DOCK3: variants seen among roughly 807,000 people sequenced by gnomAD.
The protein encoded by DOCK3 is dedicator of cytokinesis 3.
Under a neutral mutation model 265.6 loss-of-function variants are expected in DOCK3, and 60 were observed. That is an observed-to-expected ratio of 0.23 (90% CI 0.18 to 0.28). The LOEUF (loss-of-function observed/expected upper bound fraction) is 0.28, where lower values mean the gene tolerates loss of function less well. Ranked by LOEUF, DOCK3 falls within the 10% of genes least tolerant of loss-of-function variation. DOCK3 has a pLI of 1.00. For missense variants in DOCK3, 1,981 were observed against 2,594.3 expected, an observed-to-expected ratio of 0.76 and a Z score of 5.14; for synonymous variants, 881 against 938.0, an observed-to-expected ratio of 0.94 and a Z score of 1.11.
chr3:50,794,446 T>A (rs2042656145), intron 2 of DOCK3, among the ~76,000 whole-genome samples: 1 of 152,236 alleles, frequency 6.6e-6, no homozygotes, highest in African/African-American at 2.4e-5. Context: ...TTAGGATAGT[T>A]AAGTCTTCTC....
intron 23 of DOCK3, among the ~76,000 whole-genome samples, chr3:51,262,477 G>C (rs1388827394): frequency 6.6e-6 from 1 of 151,710 alleles, no homozygotes; most frequent in Non-Finnish European, 1.5e-5. Context: ...GTGCAAAAAG[G>C]CTGAAAATTC....
intron 4 of DOCK3, among the ~76,000 whole-genome samples, chr3:50,918,268 T>A (rs554629306): frequency 1.2e-4 from 18 of 152,304 alleles, no homozygotes; most frequent in African/African-American, 4.1e-4. Flanking sequence ...CCGTTGGATA[T>A]ATACCCAGTA....
intron 2 of DOCK3, among the ~76,000 whole-genome samples, chr3:50,839,068 G>A (rs2045672670): frequency 6.6e-6 from 1 of 152,202 alleles, no homozygotes; most frequent in African/African-American, 2.4e-5. Context: ...GACTACAAGA[G>A]AGCATGGTGT....
chr3:51,209,163 T>C (rs927423718), intron 13 of DOCK3, among the ~76,000 whole-genome samples: 6 of 152,224 alleles, frequency 3.9e-5, no homozygotes, highest in African/African-American at 1.2e-4. Flanking sequence ...GTGAAGTCTA[T>C]GTTTGCCTAA....
intron 5 of DOCK3, among the ~76,000 whole-genome samples, chr3:51,035,076 G>A (rs1340860920): frequency 6.6e-6 from 1 of 151,852 alleles, no homozygotes; most frequent in African/African-American, 2.4e-5. Flanking sequence ...GATTCATTGA[G>A]CTTATTATTG....
intron 40 of DOCK3, among the ~76,000 whole-genome samples, chr3:51,351,903 C>T (rs762654802): frequency 3.9e-5 from 6 of 152,072 alleles, no homozygotes; most frequent in Admixed American, 6.5e-5. Flanking sequence ...GTGATCCGCC[C>T]GCCTCGGCCT....
chr3:50,804,470 A>C (rs1357781019), intron 2 of DOCK3, among the ~76,000 whole-genome samples: 1 of 152,016 alleles, frequency 6.6e-6, no homozygotes, highest in African/African-American at 2.4e-5. Context: ...AGTGAGCAAG[A>C]CTCCGTCTGC....
intron 5 of DOCK3, among the ~76,000 whole-genome samples, chr3:51,052,454 T>C (rs986110351): frequency 6.6e-6 from 1 of 152,204 alleles, no homozygotes; most frequent in Non-Finnish European, 1.5e-5. Context: ...GAGCCGTGAT[T>C]GTGCCACTGT....
chr3:51,025,167 G>A (rs1024089437), intron 5 of DOCK3, among the ~76,000 whole-genome samples: 3 of 152,158 alleles, frequency 2.0e-5, no homozygotes, highest in Non-Finnish European at 4.4e-5. Context: ...TAAGTTACCA[G>A]GGCAGGTGGA....
At chr3:51,340,989 G>A (rs137967811) in intron 37 of DOCK3, among the ~76,000 whole-genome samples, 2 of 152,310 alleles carry the variant, frequency 1.3e-5, no homozygotes, top group African/African-American at 4.8e-5. Context: ...TAATCTGGAG[G>A]CTGGAACAGG....
At chr3:51,367,770 G>GA in intron 49 of DOCK3, among the ~76,000 whole-genome samples, 1 of 152,192 alleles carries the variant, frequency 6.6e-6, no homozygotes, top group Admixed American at 6.5e-5. Context: ...GGCTGGATAT[G>GA]AAATTCTGGG....
chr3:50,975,082 G>T (rs2077389859), intron 5 of DOCK3, among the ~76,000 whole-genome samples: 3 of 151,488 alleles, frequency 2.0e-5, no homozygotes, highest in Admixed American at 2.0e-4. Flanking sequence ...CATGTCATCT[G>T]CAAACAGGGA....
intron 3 of DOCK3, among the ~76,000 whole-genome samples, chr3:50,888,114 T>C (rs2048436833): frequency 1.3e-5 from 2 of 152,098 alleles, no homozygotes; most frequent in African/African-American, 2.4e-5. Flanking sequence ...GAAAACCCCA[T>C]TGTGTCAGCC....
At chr3:51,294,387 T>C (rs1316787641) in intron 27 of DOCK3, among the ~76,000 whole-genome samples, 6 of 151,802 alleles carry the variant, frequency 4.0e-5, no homozygotes, top group African/African-American at 9.7e-5. Context: ...CTAAAAAAAA[T>C]TGAACTCGAG....
chr3:51,100,409 A>T (rs2083036450), intron 9 of DOCK3, among the ~76,000 whole-genome samples: 2 of 152,320 alleles, frequency 1.3e-5, no homozygotes, highest in African/African-American at 4.8e-5. Flanking sequence ...TGAGGAACCA[A>T]GAGATGGAAC....
At chr3:50,758,248 G>A (rs968060556) in intron 1 of DOCK3, among the ~76,000 whole-genome samples, 11 of 84,740 alleles carry the variant, frequency 1.3e-4, no homozygotes, top group African/African-American at 2.4e-4. Flanking sequence ...TATCCCCCCC[G>A]CCCCAGAGTC....
In DOCK3 at chr3:51,382,853, A is replaced by C. The variant is rs2088743533; in HGVS notation, c.*1294A>C. On this transcript the variant is annotated 3_prime_UTR_variant, in exon 53 of 53. Coordinates refer to ENST00000266037, the MANE Select transcript of DOCK3 (RefSeq NM_004947.5). ...TGGTGTCTTTAGAGGAAACTCATTC[A>C]AGTCAGGGCACTGATTTTCCTCTCA... 6.6e-6 allele frequency: 1 copy of C among 152,344 alleles called. No individual in the cohort carries two copies. The highest frequency in any genetic ancestry group is 1.9e-4 in the East Asian group (1 of 5,188). The allele number at this position is 152,344 out of a possible 1,614,324, so 9.4% of individuals were successfully genotyped here.
intron 5 of DOCK3, among the ~76,000 whole-genome samples, chr3:50,999,947 C>T (rs1324767077): frequency 6.6e-6 from 1 of 152,136 alleles, no homozygotes; most frequent in Non-Finnish European, 1.5e-5. Flanking sequence ...AAGTAAATAG[C>T]ACTCCCTTTC....
intron 22 of DOCK3, among the ~76,000 whole-genome samples, chr3:51,250,622 A>G (rs2079164407): frequency 1.3e-5 from 2 of 152,210 alleles, no homozygotes; most frequent in Non-Finnish European, 2.9e-5. Flanking sequence ...CCATCTCAAG[A>G]GAAAACAAAC....
Sources: gnomAD v4.1 joint callset for allele counts (sites outside exome capture counted in the v4.1 genomes callset) on GRCh38, gnomAD v4.1.1 for gene constraint, MANE v1.5 for transcripts, NCBI Gene and HGNC (gene_info 2026-07-23, HGNC 2026-07-21) for gene names.